Variants in RGS6 observed in about 807,000 individuals in gnomAD.
RGS6 encodes regulator of G-protein signaling 6.
Under a neutral mutation model 78.5 loss-of-function variants are expected in RGS6, and 30 were observed. That is an observed-to-expected ratio of 0.38 (90% CI 0.29 to 0.52). RGS6 has a LOEUF of 0.52. Among genes scored for constraint, RGS6 ranks in the 20% least tolerant of loss-of-function variants. RGS6 has a pLI of 0.85. For missense variants in RGS6, 495 were observed against 609.7 expected (o/e 0.81, Z 1.98); for synonymous variants, 206 against 206.0 (o/e 1.00, Z 0.00).
At chr14:72,207,698 C>G (rs2043030893) in intron 2 of RGS6, among the ~76,000 whole-genome samples, 1 of 152,210 alleles carries the variant, frequency 6.6e-6, no homozygotes, top group African/African-American at 2.4e-5. Flanking sequence ...GACTCCATTT[C>G]TGATTCAGTT....
At chr14:72,414,434 C>T (rs2093655361) in intron 3 of RGS6, among the ~76,000 whole-genome samples, 1 of 152,182 alleles carries the variant, frequency 6.6e-6, no homozygotes. Flanking sequence ...TTAAGGACTT[C>T]TCTGCATTGG....
chr14:71,988,641 C>G (rs1292060450), intron 2 of RGS6, among the ~76,000 whole-genome samples: 1 of 151,926 alleles, frequency 6.6e-6, no homozygotes, highest in African/African-American at 2.4e-5. Context: ...AAAATATTTA[C>G]TAACTGGCTT....
At chr14:72,360,018 CGTTAG>C (rs1566622497) in intron 3 of RGS6, among the ~76,000 whole-genome samples, 1 of 151,048 alleles carries the variant, frequency 6.6e-6, no homozygotes, top group African/African-American at 2.4e-5. Context: ...TAGAGGGGTA[CGTTAG>C]GTCAGAACAG....
chr14:72,017,856 T>C (rs1035660898), intron 2 of RGS6, among the ~76,000 whole-genome samples: 1 of 152,172 alleles, frequency 6.6e-6, no homozygotes, highest in African/African-American at 2.4e-5. Flanking sequence ...TGTGCCATGG[T>C]GGTTTGCTGC....
chr14:72,476,411 C>G (rs776414267), intron 10 of RGS6, among the ~76,000 whole-genome samples: 4 of 152,098 alleles, frequency 2.6e-5, no homozygotes, highest in Admixed American at 2.0e-4. Flanking sequence ...GTCCAGGGGG[C>G]GAGGGGATAC....
chr14:71,880,839 G>C, the RGS6 span, among the ~76,000 whole-genome samples: 1 of 152,334 alleles, frequency 6.6e-6, no homozygotes, highest in Middle Eastern at 3.4e-3. Context: ...TAGTGGAGCT[G>C]TGAGAAAAGG....
chr14:71,925,723 A>ATATTATATTATATTATAT, the RGS6 span, among the ~76,000 whole-genome samples: 2 of 148,344 alleles, frequency 1.3e-5, no homozygotes, highest in African/African-American at 5.0e-5. Flanking sequence ...ATATTATATT[A>ATATTATATTATATTATAT]TATTATATTA....
intron 14 of RGS6, among the ~76,000 whole-genome samples, chr14:72,511,427 C>T (rs2096876387): frequency 6.6e-6 from 1 of 152,352 alleles, no homozygotes; most frequent in South Asian, 2.1e-4. Context: ...GTATCAAGCC[C>T]TGTGAGAGTC....
intron 2 of RGS6, among the ~76,000 whole-genome samples, chr14:72,142,724 A>G (rs2096556996): frequency 6.6e-6 from 1 of 152,206 alleles, no homozygotes; most frequent in Non-Finnish European, 1.5e-5. Flanking sequence ...CTCAAGAACC[A>G]ATTTACAACA....
rs1005293728 is a variant in RGS6, at chr14:72,517,261, C to T, written c.1092-1090C>T. ...TCGCTTGTCCCTCCCTTTCTGTTGA[C>T]TAGACTACCTGTGATTCCCGCTGCT... On this transcript the variant is annotated intron_variant, in intron 14 of 17. Transcript: ENST00000553525. 2.0e-5 allele frequency among the ~76,000 whole-genome samples: 3 copies of T among 152,126 alleles called. No individual in the cohort carries two copies. In the East Asian group the frequency reaches 5.8e-4, roughly 29 times the overall value.
intron 2 of RGS6, among the ~76,000 whole-genome samples, chr14:72,044,347 G>A (rs1242267462): frequency 6.6e-6 from 1 of 152,124 alleles, no homozygotes. Flanking sequence ...GAAGAAATTG[G>A]CATTTGAATC....
chr14:72,144,088 C>T (rs1440706353), intron 2 of RGS6, among the ~76,000 whole-genome samples: 2 of 152,130 alleles, frequency 1.3e-5, no homozygotes, highest in Non-Finnish European at 2.9e-5. Context: ...AATGATGCCC[C>T]AAGACCAGAT....
intron 2 of RGS6, among the ~76,000 whole-genome samples, chr14:72,076,029 C>A (rs2094561620): frequency 6.6e-6 from 1 of 152,220 alleles, no homozygotes; most frequent in Admixed American, 6.5e-5. Context: ...ATAAAACCCT[C>A]CCAAACTCCT....
intron 17 of RGS6, among the ~76,000 whole-genome samples, chr14:72,559,146 A>C (rs1379468375): frequency 6.6e-6 from 1 of 152,224 alleles, no homozygotes; most frequent in African/African-American, 2.4e-5. Flanking sequence ...CAGAGATGAG[A>C]GTAAAGAGAC....
the RGS6 span, among the ~76,000 whole-genome samples, chr14:71,906,406 C>G: frequency 6.6e-6 from 1 of 152,150 alleles, no homozygotes; most frequent in East Asian, 1.9e-4. Flanking sequence ...GTCAGGGGAA[C>G]GGGGCAGACT....
the RGS6 span, among the ~76,000 whole-genome samples, chr14:71,892,516 T>G: frequency 6.6e-6 from 1 of 152,160 alleles, no homozygotes; most frequent in African/African-American, 2.4e-5. Context: ...TCCTAATACT[T>G]GAGTAAGGAT....
rs1598891657 is a variant in RGS6, at chr14:72,540,328, G to A, written c.1422+234G>A. 8.2e-6 allele frequency: 12 copies of A among 1,468,158 alleles called. No individual in the cohort carries two copies. In the East Asian group the frequency reaches 1.7e-4, roughly 21 times the overall value. 90.9% of individuals were successfully genotyped at this position (1,468,158 alleles called of 1,614,324 possible). On this transcript the variant is annotated intron_variant, in intron 17 of 17. Coordinates refer to ENST00000553525, the MANE Select transcript of RGS6 (RefSeq NM_001204424.2). ...CTCTGCAGAAGGTGCACCCTTGATC[G>A]CCCAGCCTCAGGCCTGGGCATTTGA...
downstream of RGS6, among the ~76,000 whole-genome samples, chr14:72,569,164 A>G (rs562355125): frequency 7.7e-4 from 117 of 152,102 alleles, no homozygotes; most frequent in Non-Finnish European, 1.3e-3. Flanking sequence ...TTATTAAGCT[A>G]TAATTTACCT....
At chr14:72,070,782 T>C (rs1443891117) in intron 2 of RGS6, among the ~76,000 whole-genome samples, 2 of 152,320 alleles carry the variant, frequency 1.3e-5, no homozygotes, top group Middle Eastern at 3.4e-3. Flanking sequence ...TCAAGTACTC[T>C]GGAGTTAAAC....
Sources: gnomAD v4.1 joint callset for allele counts (sites outside exome capture counted in the v4.1 genomes callset) on GRCh38, gnomAD v4.1.1 for gene constraint, MANE v1.5 for transcripts, NCBI Gene and HGNC (gene_info 2026-07-23, HGNC 2026-07-21) for gene names.